CTNNA1: variants seen among roughly 807,000 people sequenced by gnomAD.
The protein encoded by CTNNA1 is catenin alpha-1.
In CTNNA1, 37 loss-of-function variants were observed where a neutral mutation model predicts 98.4. The observed-to-expected ratio is 0.38, with a 90% CI of 0.29 to 0.49. The LOEUF is 0.49. Among genes scored for constraint, CTNNA1 ranks in the 20% least tolerant of loss-of-function variants. CTNNA1 has a pLI of 0.95. For missense variants in CTNNA1, 761 were observed against 1,147.2 expected, an observed-to-expected ratio of 0.66 and a Z score of 4.86; for synonymous variants, 404 against 413.2, an observed-to-expected ratio of 0.98 and a Z score of 0.27.
Position 138,874,456 on chromosome 5 carries a change from T to A in CTNNA1, c.1063-11756T>A. The A allele has an allele frequency of 6.2e-7, 1 of 1,613,610 alleles. No individual in the cohort carries two copies. The highest frequency in any genetic ancestry group is 8.5e-7 in the Non-Finnish European group (1 of 1,179,752). ...GCAGCTTCTCGCAGCGGCATTTGGG[T>A]GGACACGCCATACCCAGGGCAGGCA... On this transcript the variant is annotated intron_variant, in intron 7 of 17. Coordinates refer to ENST00000302763, the MANE Select transcript of CTNNA1 (RefSeq NM_001903.5). The surrounding 1 kb of genome is among the most constrained non-coding windows in gnomAD (Gnocchi z 4.1).
intron 12 of CTNNA1, 133 bp from the exon 13 acceptor site, chr5:138,925,122 TA>T (rs1763724645): frequency 1.1e-6 from 1 of 894,668 alleles, no homozygotes; most frequent in Non-Finnish European, 1.7e-6. Context: ...CAACTGTAAA[TA>T]CCCTTCACAC....
chr5:138,863,600 T>C (rs557040695), intron 7 of CTNNA1, among the ~76,000 whole-genome samples: 251 of 152,308 alleles, frequency 1.6e-3, no homozygotes, highest in African/African-American at 5.8e-3. Context: ...GTGTTATAGA[T>C]TCTTACCTAA....
chr5:138,812,815 C>G (rs1758980791), intron 5 of CTNNA1, among the ~76,000 whole-genome samples: 1 of 152,170 alleles, frequency 6.6e-6, no homozygotes, highest in Admixed American at 6.5e-5. Context: ...GCCCTTTGAC[C>G]CTTCGGCATT....
intron 11 of CTNNA1, among the ~76,000 whole-genome samples, chr5:138,919,377 G>A (rs1580811926): frequency 1.3e-5 from 2 of 152,162 alleles, no homozygotes; most frequent in East Asian, 3.8e-4. Context: ...GTATGTCTCA[G>A]GCTTGGTCTC....
intron 5 of CTNNA1, among the ~76,000 whole-genome samples, chr5:138,822,320 A>G (rs1038036012): frequency 4.6e-5 from 7 of 152,206 alleles, no homozygotes; most frequent in African/African-American, 1.7e-4. Flanking sequence ...TGGTAATACC[A>G]TACCAGGCAG....
chr5:138,835,916 G>A (rs1761728255), intron 7 of CTNNA1, among the ~76,000 whole-genome samples: 1 of 152,164 alleles, frequency 6.6e-6, no homozygotes, highest in Admixed American at 6.5e-5. Context: ...TACGATCACA[G>A]CTCACTGCAA....
At position 138,865,133 on chromosome 5, in the gene CTNNA1, A is replaced by G. The variant is rs28363432; in HGVS notation, c.1063-21079A>G. On this transcript the variant is annotated intron_variant, in intron 7 of 17. Transcript: ENST00000302763. ...GGCCGGAAGATGTTTTTAATTTTAA[A>G]TTGTACTCCTCGTGTAGAAGATGTG... Among the ~76,000 whole-genome samples, 277 of 152,270 alleles carry G rather than the reference A, an allele frequency of 1.8e-3. 1 individual carries two copies. Among genetic ancestry groups the G allele is most frequent in the Non-Finnish European group, 2.7e-3 (186 of 68,028 alleles).
chr5:138,927,934 G>A (rs73265428), intron 13 of CTNNA1, among the ~76,000 whole-genome samples: 7,201 of 152,142 alleles, frequency 0.047, 215 homozygotes, highest in African/African-American at 0.083. Context: ...GTGCCACCGA[G>A]TCCATCGGCC....
intron 2 of CTNNA1, chr5:138,782,294 T>C: frequency 1.9e-6 from 1 of 530,214 alleles, no homozygotes; most frequent in Non-Finnish European, 3.6e-6. Flanking sequence ...TTGCAGATAC[T>C]TCACCTTTCT....
At chr5:138,901,320 G>A (rs576424159) in intron 9 of CTNNA1, among the ~76,000 whole-genome samples, 1 of 152,188 alleles carries the variant, frequency 6.6e-6, no homozygotes, top group African/African-American at 2.4e-5. Flanking sequence ...ACCACGCTGG[G>A]CCAATTTTTG....
In CTNNA1 at chr5:138,934,376, C is replaced by T; in HGVS notation, c.*287C>T. The stretch of plus-strand genomic sequence containing the variant: ...ATTAGCTTGTTAGTAATGCTCTGAC[C>T]AAGCCGAGATGCCCATTCTCTTAGT... On this transcript the variant is annotated 3_prime_UTR_variant, in exon 18 of 18. Coordinates refer to ENST00000302763, the MANE Select transcript of CTNNA1 (RefSeq NM_001903.5). 2.8e-6 allele frequency: 1 copy of T among 356,740 alleles called. No individual in the cohort carries two copies. Among genetic ancestry groups the T allele is most frequent in the Non-Finnish European group, 5.1e-6 (1 of 197,136 alleles). 22.1% of individuals were successfully genotyped at this position (356,740 alleles called of 1,614,324 possible).
At chr5:138,891,564 C>T (rs1199664618) in intron 9 of CTNNA1, among the ~76,000 whole-genome samples, 2 of 152,074 alleles carry the variant, frequency 1.3e-5, no homozygotes, top group Admixed American at 1.3e-4. Context: ...AGTTCGAGAC[C>T]AGCCTGGCTA....
At chr5:138,833,722 G>A (rs1761502188) in intron 7 of CTNNA1, among the ~76,000 whole-genome samples, 1 of 152,156 alleles carries the variant, frequency 6.6e-6, no homozygotes, top group Admixed American at 6.5e-5. Context: ...GTCCAGAATG[G>A]CATGGTAGTC....
intron 2 of CTNNA1, 53 bp downstream of exon 2, chr5:138,782,082 TG>T: frequency 1.9e-6 from 3 of 1,544,268 alleles, no homozygotes; most frequent in Non-Finnish European, 2.6e-6. Context: ...AGCACAGGCC[TG>T]GGTAACAACC....
chr5:138,889,115 C>T lies in CTNNA1; in HGVS notation c.1296+1473C>T, dbSNP rs184855927. Among the ~76,000 whole-genome samples, 209 of 152,282 alleles carry T rather than the reference C, an allele frequency of 1.4e-3. 1 individual carries two copies. The highest frequency in any genetic ancestry group is 4.3e-4 in the African/African-American group (18 of 41,564). On this transcript the variant is annotated intron_variant, in intron 9 of 17. Transcript: ENST00000302763. ...ATAACTTCCAGATACACACAGATTG[C>T]GCTCAGGAAGCCAGTCTCTTGTAAG...
At chr5:138,753,612 G>GGCGA (rs1219396836) in intron 1 of CTNNA1, 102 bp downstream of exon 1, 1 of 359,588 alleles carries the variant, frequency 2.8e-6, no homozygotes, top group South Asian at 1.4e-4. Flanking sequence ...GCCGCGGGCG[G>GGCGA]GCGAGCGGGC....
At chr5:138,927,844 C>G (rs144865014) in intron 13 of CTNNA1, among the ~76,000 whole-genome samples, 1 of 152,240 alleles carries the variant, frequency 6.6e-6, no homozygotes, top group Non-Finnish European at 1.5e-5. Context: ...TGAAAAGCCC[C>G]TTAACTGATT....
intron 7 of CTNNA1, among the ~76,000 whole-genome samples, chr5:138,876,580 A>G (rs1014254164): frequency 1.3e-5 from 2 of 152,096 alleles, no homozygotes; most frequent in Admixed American, 6.5e-5. Flanking sequence ...CAACATACCT[A>G]TTTCTCCCAT....
intron 7 of CTNNA1, among the ~76,000 whole-genome samples, chr5:138,879,631 T>C (rs556683986): frequency 6.6e-6 from 1 of 152,034 alleles, no homozygotes; most frequent in Non-Finnish European, 1.5e-5. Flanking sequence ...ATTAAAAAAA[T>C]TTTTTTCGTG....
Sources: allele counts gnomAD v4.1 joint callset (sites outside exome capture counted in the v4.1 genomes callset), GRCh38; gene constraint gnomAD v4.1.1; non-coding constraint Gnocchi (gnomAD v3.1); transcripts MANE v1.5; gene names NCBI Gene and HGNC (gene_info 2026-07-23, HGNC 2026-07-21).